Variants in TRABD observed in about 807,000 individuals in gnomAD.
TRABD encodes TraB domain containing.
TRABD carries 23 observed loss-of-function variants against 39.6 expected under a neutral mutation model. The ratio of observed to expected loss-of-function variants is 0.58; its 90% CI spans 0.42 to 0.82. The LOEUF is 0.82. TRABD is among the 40% of genes least tolerant of loss of function. The pLI, the probability that TRABD is intolerant of heterozygous loss-of-function variation, is 0.00. For synonymous variants in TRABD, 243 were observed against 232.1 expected (o/e 1.05, Z -0.43); for missense variants, 487 against 544.9 (o/e 0.89, Z 1.06).
chr22:50,199,517 G>C lies in TRABD; in HGVS notation c.*998G>C, dbSNP rs772393625. The C allele has an allele frequency of 5.5e-6, 1 of 180,470 alleles. No individual in the cohort carries two copies. Among genetic ancestry groups the C allele is most frequent in the African/African-American group, 2.3e-5 (1 of 42,640 alleles). The allele number at this position is 180,470 out of a possible 1,614,324, so 11.2% of individuals were successfully genotyped here. A position where few individuals can be genotyped will look rare whatever the true frequency, so the allele number is the denominator to read the frequency against. On this transcript the variant is annotated 3_prime_UTR_variant, in exon 10 of 10. Transcript: ENST00000380909. ...CGGTGTTGAATCAAATCAGGTGTGC[G>C]TCAGGAGCCGGCTGTGTCCTTCCTG...
At chr22:50,195,139 T>C (rs1445630303) in intron 5 of TRABD, 99 bp downstream of exon 5, 4 of 1,426,244 alleles carry the variant, frequency 2.8e-6, no homozygotes, top group Non-Finnish European at 3.7e-6. Flanking sequence ...CCCCAGTCAG[T>C]GTGGCTGTGC....
At chr22:50,186,494 C>T (rs1195027347) in intron 1 of TRABD, among the ~76,000 whole-genome samples, 1 of 152,134 alleles carries the variant, frequency 6.6e-6, no homozygotes, top group Non-Finnish European at 1.5e-5. Context: ...GCGGCGGCCT[C>T]GCGGGAAGGC....
At chr22:50,194,083 G>A (rs1331974255) in intron 3 of TRABD, among the ~76,000 whole-genome samples, 6 of 132,328 alleles carry the variant, frequency 4.5e-5, no homozygotes, top group East Asian at 4.4e-4. Flanking sequence ...CCCCAAGGTC[G>A]CCCTCATGGG....
chr22:50,192,206 G>A (rs777116858), intron 1 of TRABD: 16 of 152,340 alleles, frequency 1.1e-4, no homozygotes, highest in Non-Finnish European at 2.1e-4. Flanking sequence ...CAGGGCCTGT[G>A]GCCAGTCTCA....
In TRABD at chr22:50,198,913, C is replaced by T. The variant is rs1001091724; in HGVS notation, c.*394C>T. 11 of 579,940 alleles carry T rather than the reference C, an allele frequency of 1.9e-5. No homozygotes were observed. Among genetic ancestry groups the T allele is most frequent in the South Asian group, 8.2e-5 (4 of 48,908 alleles). The allele number at this position is 579,940 out of a possible 1,614,324, so 35.9% of individuals were successfully genotyped here. ...CCTTCCTGTGCTCCGGCCACAGGAGCGTCGGCCCAGGGGCGGCTCCTGGGG... is the reference window on the plus strand; with the variant it reads ...CCTTCCTGTGCTCCGGCCACAGGAGTGTCGGCCCAGGGGCGGCTCCTGGGG... On this transcript the variant is annotated 3_prime_UTR_variant, in exon 10 of 10. Transcript: ENST00000380909. The surrounding 1 kb of genome is among the most constrained non-coding windows in gnomAD (Gnocchi z 7.9).
At chr22:50,192,834 C>T (rs935970870) in intron 1 of TRABD, among the ~76,000 whole-genome samples, 193 bp from the exon 2 acceptor site, 1 of 27,106 alleles carries the variant, frequency 3.7e-5, no homozygotes, top group Non-Finnish European at 6.7e-5. Context: ...TGGCCTTTCC[C>T]CACCCGGGCC....
rs758007962 is a variant in TRABD, at chr22:50,197,840, G to A, written c.689G>A (p.Arg230His). ...CTCCACAGCAAGGATGACGTGGAAC[G>A]CTGCAAGCAGAAGGACCTACTGGAG... ...SDPISKDDVE[R>H]CKQKDLLEQM... Residue 230 changes from arginine to histidine, a missense_variant, in exon 8 of 10, where the codon CGC becomes CAC. Transcript: ENST00000380909. 9 of 1,486,366 alleles carry A rather than the reference G, an allele frequency of 6.1e-6. No homozygotes were observed. The highest frequency in any genetic ancestry group is 4.3e-5 in the African/African-American group (3 of 68,984). The allele number at this position is 1,486,366 out of a possible 1,614,324, so 92.1% of individuals were successfully genotyped here. A position where few individuals can be genotyped will look rare whatever the true frequency, so the allele number is the denominator to read the frequency against.
chr22:50,194,118 G>A (rs948299935), intron 3 of TRABD, among the ~76,000 whole-genome samples: 26 of 152,330 alleles, frequency 1.7e-4, no homozygotes, highest in African/African-American at 5.3e-4. Flanking sequence ...GGACTCCTGA[G>A]GCCCTGGCTT....
In TRABD at chr22:50,194,428, G is replaced by A. The variant is rs2064023385; in HGVS notation, c.201G>A (p.Leu67=). Residue 67 remains leucine (L), a synonymous_variant, in exon 4 of 10, where the codon TTG becomes TTA. Coordinates refer to ENST00000380909, the MANE Select transcript of TRABD (RefSeq NM_001320485.2). ...ACCTGCCGCGCACTGTGACCCAGTTGGTGGCTGAGGACGGGAGCAGGGTGT... is the reference window on the plus strand; with the variant it reads ...ACCTGCCGCGCACTGTGACCCAGTTAGTGGCTGAGGACGGGAGCAGGGTGT... ...RPNLPRTVTQ[L]VAEDGSRVYV... 2 of 1,612,608 alleles carry A rather than the reference G, an allele frequency of 1.2e-6. No individual in the cohort carries two copies. The highest frequency in any genetic ancestry group is 1.1e-5 in the South Asian group (1 of 90,980).
Position 50,194,484 on chromosome 22 carries a change from A to G in TRABD, c.257A>G (p.Asp86Gly). ...YVVGTAHFSDDSKRDVVKTIR... is the reference protein window; with the variant it reads ...YVVGTAHFSDGSKRDVVKTIR... The stretch of plus-strand genomic sequence containing the variant: ...GTGGGGACAGCCCACTTCAGCGACG[A>G]CAGCAAGAGGGACGTTGTGAAGGTG... The change falls in exon 4 of 10, where the codon GAC (aspartate) becomes GGC (glycine). Residue 86 changes from aspartate (D) to glycine (G), a missense_variant. Transcript: ENST00000380909. The G allele has an allele frequency of 6.3e-7, 1 of 1,593,470 alleles. No homozygotes were observed. The highest frequency in any genetic ancestry group is 8.5e-7 in the Non-Finnish European group (1 of 1,170,382).
rs767327943 is a variant in TRABD at position 50,198,452 on chromosome 22, G to A, written c.1064G>A (p.Ser355Asn). Residue 355 changes from serine to asparagine, a missense_variant, in exon 10 of 10, where the codon AGC becomes AAC. By Grantham distance (46) the Ser-to-Asn change is conservative. This residue lies in a region of TRABD where 123 missense variants were observed against 108.3 expected (regional missense o/e 1.14). Coordinates refer to ENST00000380909, the MANE Select transcript of TRABD (RefSeq NM_001320485.2). The surrounding 1 kb of genome is among the most constrained non-coding windows in gnomAD (Gnocchi z 7.9). ...SLYWMGRRTA[S>N]LVLSLPAAQY... is the part of the protein sequence containing the mutation. ...TACTGGATGGGCCGCCGCACCGCGA[G>A]CCTGGTCCTGTCGCTGCCCGCCGCG... The A allele has an allele frequency of 1.9e-6, 3 of 1,595,308 alleles. No homozygotes were observed. Among genetic ancestry groups the A allele is most frequent in the Non-Finnish European group, 2.5e-6 (3 of 1,176,740 alleles).
intron 5 of TRABD, among the ~76,000 whole-genome samples, chr22:50,195,329 A>G (rs1404395560): frequency 8.2e-6 from 1 of 121,514 alleles, no homozygotes; most frequent in East Asian, 2.6e-4. Flanking sequence ...GTCAGGTCTC[A>G]GTGCAAGGTT....
chr22:50,197,348 G>C lies in TRABD; in HGVS notation c.528G>C (p.Lys176Asn). ...APGGEFREAF[K>N]EASKVPFCKF... ...GTGGCGAGTTCAGGGAGGCCTTCAA[G>C]GAGGTGGGCACAGGGTGAGGTAGGG... The change falls in exon 6 of 10, where the codon AAG becomes AAC. Residue 176 changes from lysine (K) to asparagine (N), a missense_variant. Lys to Asn is a moderately conservative substitution (Grantham distance 94, BLOSUM62 0). Around this residue, in one of 3 missense-constraint regions of TRABD, gnomAD observed 358 missense variants for 414.7 expected, o/e 0.86. Transcript: ENST00000380909. 6.2e-7 allele frequency: 1 copy of C among 1,613,862 alleles called. No homozygotes were observed. The highest frequency in any genetic ancestry group is 1.1e-5 in the South Asian group (1 of 91,066).
Position 50,193,541 on chromosome 22 carries a change from T to C in TRABD, c.34-35T>C, listed in dbSNP as rs751920310. The C allele has an allele frequency of 1.1e-5, 17 of 1,607,640 alleles. No homozygotes were observed. In the African/African-American group the frequency reaches 1.5e-4, roughly 14 times the overall value. On this transcript the variant is annotated intron_variant, in intron 2 of 9. Transcript: ENST00000380909. ...CGGAGCCCTGGCTTTCTGGGGTGCATGGACCCTGACTTGAACTCTCCTTTC... is the reference window on the plus strand; with the variant it reads ...CGGAGCCCTGGCTTTCTGGGGTGCACGGACCCTGACTTGAACTCTCCTTTC...
In TRABD at chr22:50,198,543, G is replaced by C; in HGVS notation, c.*24G>C. Reference sequence around the variant, plus strand: ...AGGAGACTGCTCCCCGCCCGCTCGGGCCCCTGAGGAGCCAGTGCCCCCGCG... The same window carrying C: ...AGGAGACTGCTCCCCGCCCGCTCGGCCCCCTGAGGAGCCAGTGCCCCCGCG... On this transcript the variant is annotated 3_prime_UTR_variant, in exon 10 of 10. Transcript: ENST00000380909. The surrounding 1 kb of genome is among the most constrained non-coding windows in gnomAD (Gnocchi z 7.9). 2 of 1,495,666 alleles carry C rather than the reference G, an allele frequency of 1.3e-6. No homozygotes were observed. The highest frequency in any genetic ancestry group is 1.8e-6 in the Non-Finnish European group (2 of 1,127,416). 92.6% of individuals were successfully genotyped at this position (1,495,666 alleles called of 1,614,324 possible).
At chr22:50,197,376 T>TGG (rs1569089848) in intron 6 of TRABD, 25 bp downstream of exon 6, 1 of 1,612,508 alleles carries the variant, frequency 6.2e-7, no homozygotes, top group Admixed American at 1.7e-5. Context: ...AGGTAGGGGG[T>TGG]GGCCACAGGG....
chr22:50,196,326 C>T (rs2064104526), intron 5 of TRABD, among the ~76,000 whole-genome samples: 1 of 152,186 alleles, frequency 6.6e-6, no homozygotes, highest in South Asian at 2.1e-4. Flanking sequence ...CGGGGAAACA[C>T]GGGCACTCCA....
In TRABD at chr22:50,193,083, C is replaced by T. The variant is rs1602442521; in HGVS notation, c.23C>T (p.Pro8Leu). 4 of 1,545,634 alleles carry T rather than the reference C, an allele frequency of 2.6e-6. No homozygotes were observed. Among genetic ancestry groups the T allele is most frequent in the Non-Finnish European group, 3.5e-6 (4 of 1,147,034 alleles). Residue 8 changes from proline (P) to leucine (L), a missense_variant, in exon 2 of 10, where the codon CCA (proline) becomes CTA (leucine). Physicochemically the swap from Pro to Leu is moderately conservative, Grantham distance 98 (BLOSUM62 -3). Around this residue, in one of 3 missense-constraint regions of TRABD, gnomAD observed 358 missense variants for 414.7 expected, o/e 0.86. Coordinates refer to ENST00000380909, the MANE Select transcript of TRABD (RefSeq NM_001320485.2). ...GCCATGGACGGGGAGGAGCAGCAGC[C>T]ACCGCACGAGGTGAGGTGGAGGCTG... The part of the protein sequence containing the change: MDGEEQQ[P>L]PHEANVEPVV...
intron 1 of TRABD, among the ~76,000 whole-genome samples, chr22:50,191,060 C>G (rs1057357878): frequency 6.6e-6 from 1 of 152,220 alleles, no homozygotes; most frequent in African/African-American, 2.4e-5. Flanking sequence ...GGCTCAAGGC[C>G]CCCGGGGACA....
Sources: allele counts gnomAD v4.1 joint callset (sites outside exome capture counted in the v4.1 genomes callset), GRCh38; gene constraint gnomAD v4.1.1; regional missense constraint gnomAD v4.1.1; non-coding constraint Gnocchi (gnomAD v3.1); transcripts MANE v1.5; gene names NCBI Gene and HGNC (gene_info 2026-07-23, HGNC 2026-07-21).